Variants in HIVEP1 observed in about 807,000 individuals in gnomAD.
HIVEP1 encodes the protein zinc finger protein 40.
HIVEP1 carries 36 observed loss-of-function variants against 180.0 expected under a neutral mutation model. The ratio of observed to expected loss-of-function variants is 0.20; its 90% CI spans 0.15 to 0.26. HIVEP1 has a LOEUF of 0.26. HIVEP1 is among the 10% of genes least tolerant of loss of function. The pLI is 1.00. For missense variants in HIVEP1, 3,143 were observed against 3,268.7 expected (o/e 0.96, Z 0.94); for synonymous variants, 1,239 against 1,239.0 (o/e 1.00, Z 0.00).
chr6:12,112,569 G>A (rs374713928), intron 3 of HIVEP1, among the ~76,000 whole-genome samples: 5 of 151,720 alleles, frequency 3.3e-5, no homozygotes, highest in African/African-American at 9.7e-5. Flanking sequence ...TTTTCCTGCC[G>A]GTTCCTTGTG....
At position 12,122,516 on chromosome 6, in the gene HIVEP1, A is replaced by T; in HGVS notation, c.2721A>T (p.Ala907=). 1 of 1,614,220 alleles carries T rather than the reference A, an allele frequency of 6.2e-7. No homozygotes were observed. The part of the protein sequence containing the change: ...VRQAAIEDSS[A]NESHVLGTGQ... ...AAGCAGCCATAGAAGACTCTTCAGC[A>T]AATGAAAGTCATGTTCTTGGTACTG... The change falls in exon 4 of 9, where the codon GCA becomes GCT. Residue 907 remains alanine, a synonymous_variant. Transcript: ENST00000379388.
intron 7 of HIVEP1, among the ~76,000 whole-genome samples, chr6:12,150,516 A>AT (rs1376477173): frequency 1.3e-5 from 2 of 152,180 alleles, no homozygotes; most frequent in Non-Finnish European, 2.9e-5. Context: ...ATTTAGGTGC[A>AT]TTTTTAAAAA....
In HIVEP1 at chr6:12,120,215, A is replaced by G; in HGVS notation, c.420A>G (p.Pro140=). The part of the protein sequence containing the change: ...SPKKPLFLQQ[P]SELRRWRSEG... The stretch of plus-strand genomic sequence containing the variant: ...AGAAGCCCTTGTTTCTGCAGCAACC[A>G]TCTGAACTGCGTAGATGGAGATCCG... Residue 140 remains proline, a synonymous_variant, in exon 4 of 9, where the codon CCA becomes CCG. Coordinates refer to ENST00000379388, the MANE Select transcript of HIVEP1 (RefSeq NM_002114.4). 3.7e-6 allele frequency: 6 copies of G among 1,614,234 alleles called. No individual in the cohort carries two copies. The highest frequency in any genetic ancestry group is 5.1e-6 in the Non-Finnish European group (6 of 1,180,034).
intron 7 of HIVEP1, among the ~76,000 whole-genome samples, chr6:12,136,778 T>C (rs1410212258): frequency 6.6e-6 from 1 of 152,232 alleles, no homozygotes; most frequent in Non-Finnish European, 1.5e-5. Flanking sequence ...TATTTATCTC[T>C]GACCAATTTT....
intron 2 of HIVEP1, among the ~76,000 whole-genome samples, chr6:12,068,506 A>G (rs1771748833): frequency 6.6e-6 from 1 of 152,216 alleles, no homozygotes; most frequent in African/African-American, 2.4e-5. Flanking sequence ...ATGTTAAAAT[A>G]TTCTTAATTT....
At chr6:12,041,503 GTT>G (rs200332666) in intron 2 of HIVEP1, among the ~76,000 whole-genome samples, 12 of 133,964 alleles carry the variant, frequency 9.0e-5, no homozygotes, top group African/African-American at 2.7e-4. Context: ...TAGCTTACAT[GTT>G]TTTTTTTTTT....
chr6:12,125,164 C>T lies in HIVEP1; in HGVS notation c.5369C>T (p.Ala1790Val), dbSNP rs1487166514. The change falls in exon 4 of 9, where the codon GCT becomes GTT. Residue 1790 changes from alanine to valine, a missense_variant. Coordinates refer to ENST00000379388, the MANE Select transcript of HIVEP1 (RefSeq NM_002114.4). ...GCTTTGAGTTCGAGAGTTAATGAAG[C>T]TAGTAAACAGAAGAAGCCTATTTTA... is the stretch of plus-strand genomic sequence containing the variant. ...LEALSSRVNE[A>V]SKQKKPILVR... 3 of 1,613,958 alleles carry T rather than the reference C, an allele frequency of 1.9e-6. No homozygotes were observed. The highest frequency in any genetic ancestry group is 2.2e-5 in the South Asian group (2 of 91,030).
chr6:12,131,429 C>CTTT (rs35625775), intron 6 of HIVEP1, among the ~76,000 whole-genome samples: 1 of 150,838 alleles, frequency 6.6e-6, no homozygotes, highest in African/African-American at 2.4e-5. Flanking sequence ...TTTCACAATG[C>CTTT]TTTTTTTTAC....
chr6:12,121,654 A>C lies in HIVEP1; in HGVS notation c.1859A>C (p.Glu620Ala). The C allele has an allele frequency of 6.2e-7, 1 of 1,614,204 alleles. No homozygotes were observed. The highest frequency in any genetic ancestry group is 8.5e-7 in the Non-Finnish European group (1 of 1,180,032). Residue 620 changes from glutamate to alanine, a missense_variant, in exon 4 of 9, where the codon GAG becomes GCG. Glu to Ala is a moderately radical substitution (Grantham distance 107). Transcript: ENST00000379388. The surrounding 1 kb of genome is among the most constrained non-coding windows in gnomAD (Gnocchi z 5.3). Reference protein sequence around the residue: ...QGGVSRLETNENSHQKGDMNP... With the variant: ...QGGVSRLETNANSHQKGDMNP... ...GGAGTCTCCAGGTTGGAGACTAATG[A>C]GAATTCCCACCAGAAAGGCGACATG...
chr6:12,207,912 A>C, the HIVEP1 span, among the ~76,000 whole-genome samples: 1 of 151,330 alleles, frequency 6.6e-6, no homozygotes, highest in South Asian at 2.1e-4. Flanking sequence ...TCAAAAAAAA[A>C]AAAAAAAAAT....
intron 7 of HIVEP1, among the ~76,000 whole-genome samples, chr6:12,136,291 T>C (rs538063261): frequency 5.9e-4 from 90 of 152,242 alleles, no homozygotes; most frequent in Non-Finnish European, 1.0e-3. Flanking sequence ...CTACTTAACA[T>C]TGATCGCTCT....
chr6:12,179,481 T>C, the HIVEP1 span, among the ~76,000 whole-genome samples: 965 of 152,318 alleles, frequency 6.3e-3, 8 homozygotes, highest in Non-Finnish European at 8.7e-3. Context: ...GATAGCTCAA[T>C]CTTACAGCAT....
intron 2 of HIVEP1, among the ~76,000 whole-genome samples, chr6:12,031,231 C>T (rs1768919324): frequency 6.6e-6 from 1 of 152,186 alleles, no homozygotes; most frequent in African/African-American, 2.4e-5. Flanking sequence ...CTGGCTTTAA[C>T]TTTCAGCTGG....
chr6:12,074,726 T>C (rs142528014), intron 2 of HIVEP1, among the ~76,000 whole-genome samples: 112 of 151,016 alleles, frequency 7.4e-4, no homozygotes, highest in African/African-American at 2.6e-3. Flanking sequence ...AGAGATCTTT[T>C]GAAGTTTTAT....
downstream of HIVEP1, among the ~76,000 whole-genome samples, chr6:12,167,107 G>T (rs1760725697): frequency 6.6e-6 from 1 of 151,960 alleles, no homozygotes. Flanking sequence ...TACAAATTTT[G>T]TTTCTCAGTT....
intron 2 of HIVEP1, among the ~76,000 whole-genome samples, chr6:12,083,147 AGTGT>A (rs374085523): frequency 1.1e-4 from 16 of 152,008 alleles, no homozygotes; most frequent in African/African-American, 3.6e-4. Flanking sequence ...ATGTCTGTCA[AGTGT>A]GTGTGTGTGT....
At chr6:12,197,802 G>A in the HIVEP1 span, among the ~76,000 whole-genome samples, 9 of 152,114 alleles carry the variant, frequency 5.9e-5, no homozygotes, top group South Asian at 2.1e-4. Context: ...GAGGAAGGAC[G>A]GACTGTTAAA....
chr6:12,125,632 A>G lies in HIVEP1; in HGVS notation c.5837A>G (p.Tyr1946Cys). ...LKTTTNFTWC[Y>C]LLRQKSLHLP... ...ACTACAACCAACTTTACATGGTGTT[A>G]TCTCTTAAGGCAGAAGTCGTTGCAT... The change falls in exon 4 of 9, where the codon TAT becomes TGT. Residue 1946 changes from tyrosine (Y) to cysteine (C), a missense_variant. Tyr to Cys is a radical substitution (Grantham distance 194). Transcript: ENST00000379388. 1 of 1,614,232 alleles carries G rather than the reference A, an allele frequency of 6.2e-7. No homozygotes were observed. Among genetic ancestry groups the G allele is most frequent in the East Asian group, 2.2e-5 (1 of 44,886 alleles).
At chr6:12,037,712 C>CTT in intron 2 of HIVEP1, 4 of 395,652 alleles carry the variant, frequency 1.0e-5, no homozygotes, top group South Asian at 2.1e-4. Flanking sequence ...TTGTTTTTTC[C>CTT]TTTTTTTTTG....
Sources: allele counts gnomAD v4.1 joint callset (sites outside exome capture counted in the v4.1 genomes callset), GRCh38; gene constraint gnomAD v4.1.1; non-coding constraint Gnocchi (gnomAD v3.1); transcripts MANE v1.5; gene names NCBI Gene and HGNC (gene_info 2026-07-23, HGNC 2026-07-21).